Variants in OPCML observed in about 807,000 individuals in gnomAD.
OPCML encodes opioid binding protein/cell adhesion molecule like.
A neutral mutation model predicts 37.8 loss-of-function variants in OPCML; 13 were observed. The ratio of observed to expected loss-of-function variants is 0.34; its 90% confidence interval spans 0.22 to 0.55. The LOEUF is 0.55. Ranked by LOEUF, OPCML falls within the 20% of genes least tolerant of loss-of-function variation. The probability of loss-of-function intolerance (pLI) is 0.91; values close to 1 mark genes in which losing one functional copy is unlikely to be tolerated. For synonymous variants in OPCML, 176 were observed against 168.8 expected (o/e 1.04, Z -0.33); for missense variants, 341 against 435.6 (o/e 0.78, Z 1.93).
intron 1 of OPCML, among the ~76,000 whole-genome samples, chr11:133,286,432 T>A (rs1367272249): frequency 2.7e-5 from 3 of 111,214 alleles, no homozygotes; most frequent in African/African-American, 1.3e-4. Flanking sequence ...ATCGCGCCAC[T>A]GCACTCCAGC....
chr11:133,115,664 A>C (rs56349327), intron 1 of OPCML, among the ~76,000 whole-genome samples: 1 of 151,928 alleles, frequency 6.6e-6, no homozygotes, highest in African/African-American at 2.4e-5. Flanking sequence ...AACTAAGGGA[A>C]CTCCAAATTT....
chr11:132,864,640 T>C (rs2136371789), intron 2 of OPCML, among the ~76,000 whole-genome samples: 1 of 152,330 alleles, frequency 6.6e-6, no homozygotes, highest in East Asian at 1.9e-4. Context: ...AGGAATTCAA[T>C]AAATTTGAAT....
chr11:133,186,668 T>C (rs1938091612), intron 1 of OPCML, among the ~76,000 whole-genome samples: 3 of 152,310 alleles, frequency 2.0e-5, no homozygotes, highest in Middle Eastern at 3.4e-3. Flanking sequence ...ACATGTATAT[T>C]ATGCACAGGT....
At chr11:132,647,330 A>C (rs1285030250) in intron 3 of OPCML, among the ~76,000 whole-genome samples, 2 of 152,158 alleles carry the variant, frequency 1.3e-5, no homozygotes, top group South Asian at 4.1e-4. Flanking sequence ...ATAGAATCTG[A>C]TAATGTTTAT....
chr11:132,593,946 T>G (rs537738438), intron 3 of OPCML, among the ~76,000 whole-genome samples: 1 of 152,352 alleles, frequency 6.6e-6, no homozygotes, highest in East Asian at 1.9e-4. Context: ...GTAAACATAC[T>G]GTCTCAGTCA....
At chr11:132,479,838 C>T (rs1374583736) in intron 4 of OPCML, among the ~76,000 whole-genome samples, 2 of 152,152 alleles carry the variant, frequency 1.3e-5, no homozygotes, top group Non-Finnish European at 2.9e-5. Context: ...AACTAACAAA[C>T]AGAAAGGACA....
chr11:133,452,229 T>C (rs555090089), intron 1 of OPCML, among the ~76,000 whole-genome samples: 2 of 151,766 alleles, frequency 1.3e-5, no homozygotes, highest in South Asian at 4.2e-4. Flanking sequence ...ATTATAACTA[T>C]GCTCAAGAAT....
chr11:133,340,829 G>A (rs2136669894), intron 1 of OPCML, among the ~76,000 whole-genome samples: 1 of 152,140 alleles, frequency 6.6e-6, no homozygotes, highest in Non-Finnish European at 1.5e-5. Flanking sequence ...GACGAAGGGG[G>A]AAAAATAATG....
intron 1 of OPCML, among the ~76,000 whole-genome samples, chr11:133,489,168 C>T (rs751700880): frequency 1.3e-4 from 19 of 151,852 alleles, no homozygotes; most frequent in Non-Finnish European, 2.8e-4. Context: ...TTGGCCTAGG[C>T]AAAGAATTTA....
At position 133,155,108 on chromosome 11, in the gene OPCML, A is replaced by C. The variant is rs143408403; in HGVS notation, c.62-212098T>G. Among the ~76,000 whole-genome samples the C allele has an allele frequency of 3.6e-3, 552 of 152,276 alleles. 1 individual carries two copies. Among genetic ancestry groups the C allele is most frequent in the Non-Finnish European group, 5.6e-3 (381 of 68,018 alleles). On this transcript the variant is annotated intron_variant, in intron 1 of 7. Coordinates refer to ENST00000524381, the MANE Select transcript of OPCML (RefSeq NM_001012393.5). ...AAGGTCTCTTAATGCCAGAGCAGAG[A>C]ACTGGAGGAGGAGGAGGAAATACTT...
At chr11:133,274,483 G>A (rs1167345289) in intron 1 of OPCML, among the ~76,000 whole-genome samples, 5 of 152,226 alleles carry the variant, frequency 3.3e-5, no homozygotes, top group African/African-American at 4.8e-5. Context: ...CACCAGACAT[G>A]GGAAGAGTCA....
At chr11:132,651,292 A>T (rs910952808) in intron 3 of OPCML, among the ~76,000 whole-genome samples, 1 of 152,170 alleles carries the variant, frequency 6.6e-6, no homozygotes, top group African/African-American at 2.4e-5. Flanking sequence ...AACTCGGACA[A>T]ATCACTTCCA....
At chr11:132,576,123 A>T (rs950025277) in intron 3 of OPCML, among the ~76,000 whole-genome samples, 7 of 151,900 alleles carry the variant, frequency 4.6e-5, no homozygotes, top group African/African-American at 1.7e-4. Flanking sequence ...TTTAATGTTT[A>T]TTGGTGCTAG....
At chr11:133,385,832 T>C (rs2136794215) in intron 1 of OPCML, among the ~76,000 whole-genome samples, 1 of 152,296 alleles carries the variant, frequency 6.6e-6, no homozygotes, top group East Asian at 1.9e-4. Context: ...CTCAGGCTTC[T>C]AGAGAGGATG....
chr11:133,413,346 G>A (rs1436799855), intron 1 of OPCML, among the ~76,000 whole-genome samples: 1 of 151,072 alleles, frequency 6.6e-6, no homozygotes, highest in Non-Finnish European at 1.5e-5. Flanking sequence ...GGGGGAGGGG[G>A]AGGGATAGCA....
intron 1 of OPCML, among the ~76,000 whole-genome samples, chr11:133,273,980 A>G (rs1052243913): frequency 1.3e-5 from 2 of 152,214 alleles, no homozygotes; most frequent in African/African-American, 4.8e-5. Flanking sequence ...AATTTTTACT[A>G]TTATACATGT....
chr11:133,222,731 A>G (rs1939889769), intron 1 of OPCML, among the ~76,000 whole-genome samples: 2 of 152,214 alleles, frequency 1.3e-5, no homozygotes, highest in African/African-American at 2.4e-5. Flanking sequence ...TGCATCAGCA[A>G]TTTATATACA....
At chr11:133,222,321 C>T (rs1197754456) in intron 1 of OPCML, among the ~76,000 whole-genome samples, 2 of 152,170 alleles carry the variant, frequency 1.3e-5, no homozygotes, top group African/African-American at 4.8e-5. Flanking sequence ...GTTCACTCGC[C>T]AGGCAGGAGG....
chr11:133,322,582 G>T (rs1943357928), intron 1 of OPCML, among the ~76,000 whole-genome samples: 1 of 152,058 alleles, frequency 6.6e-6, no homozygotes, highest in African/African-American at 2.4e-5. Context: ...CTGCATTAAA[G>T]ATCAGAACAA....
Sources: allele counts gnomAD v4.1 joint callset (sites outside exome capture counted in the v4.1 genomes callset), GRCh38; gene constraint gnomAD v4.1.1; transcripts MANE v1.5; gene names NCBI Gene and HGNC (gene_info 2026-07-23, HGNC 2026-07-21).